The following RASSF3 variants were observed in gnomAD, a reference collection of about 807,000 sequenced individuals.
RASSF3 encodes the protein ras association domain-containing protein 3.
RASSF3 carries 19 observed loss-of-function variants against 19.9 expected under a neutral mutation model. That is an observed-to-expected ratio of 0.96 (90% confidence interval 0.67 to 1.40). The LOEUF (loss-of-function observed/expected upper bound fraction) is 1.40, where lower values mean the gene tolerates loss of function less well. RASSF3 is among the 40% of genes most tolerant of loss of function. The pLI, the probability that RASSF3 is intolerant of heterozygous loss-of-function variation, is 0.00. For missense variants in RASSF3, 306 were observed against 289.8 expected (o/e 1.06, Z -0.41); for synonymous variants, 110 against 104.2 (o/e 1.06, Z -0.34).
At chr12:64,508,768 C>T (rs1300967890) in intron 1 of RASSF3, among the ~76,000 whole-genome samples, 1 of 151,976 alleles carries the variant, frequency 6.6e-6, no homozygotes, top group Non-Finnish European at 1.5e-5. Context: ...CCTGTAATCC[C>T]AGCTACTCGG....
At chr12:64,681,499 T>C (rs1873125087) in intron 1 of RASSF3, among the ~76,000 whole-genome samples, 1 of 152,196 alleles carries the variant, frequency 6.6e-6, no homozygotes, top group African/African-American at 2.4e-5. Context: ...GTGGTGCACT[T>C]TCTGCAACAC....
intron 2 of RASSF3, among the ~76,000 whole-genome samples, chr12:64,589,113 C>T (rs944588186): frequency 6.6e-6 from 1 of 152,130 alleles, no homozygotes; most frequent in African/African-American, 2.4e-5. Context: ...CAAGAGCCAC[C>T]TGGGAATTTA....
At chr12:64,687,533 G>T (rs1873406805) in intron 2 of RASSF3, among the ~76,000 whole-genome samples, 1 of 150,384 alleles carries the variant, frequency 6.6e-6, no homozygotes, top group East Asian at 2.0e-4. Context: ...GGAGTGCAAT[G>T]GCGTGATCTT....
At chr12:64,663,825 A>G (rs935708136) in intron 1 of RASSF3, among the ~76,000 whole-genome samples, 2 of 102,660 alleles carry the variant, frequency 1.9e-5, no homozygotes, top group Non-Finnish European at 4.0e-5. Context: ...TTTCTTTACC[A>G]CGTTTTAGCC....
rs1437073043 is a variant in RASSF3 at position 64,516,536 on chromosome 12, G to A, written c.169+9207G>A. Among the ~76,000 whole-genome samples, 15 of 148,832 alleles carry A rather than the reference G, an allele frequency of 1.0e-4. No individual in the cohort carries two copies. In the East Asian group the frequency reaches 2.0e-3, roughly 20 times the overall value. On this transcript the variant is annotated intron_variant, in intron 1 of 5. Coordinates refer to the RASSF3 transcript ENST00000637125. Reference sequence around the variant, plus strand: ...TGGGAGGCTGAGGCAGGAGAATGGCGTGAACCCGGGAGGCGGAGCTTGCAG... The same window carrying A: ...TGGGAGGCTGAGGCAGGAGAATGGCATGAACCCGGGAGGCGGAGCTTGCAG...
rs182342245 is a variant in RASSF3 at position 64,557,205 on chromosome 12, T to G, written c.294+15500T>G. Among the ~76,000 whole-genome samples, 4 of 152,244 alleles carry G rather than the reference T, an allele frequency of 2.6e-5. No individual in the cohort carries two copies. The East Asian group carries it at 7.7e-4, about 29-fold the overall frequency. On this transcript the variant is annotated intron_variant, in intron 2 of 5. Coordinates refer to the RASSF3 transcript ENST00000637125. The stretch of plus-strand genomic sequence containing the variant: ...TGGCAGTTCTCAGTGCTTACCTTGT[T>G]ATGTGACCCAAACTGTCACTCCTAA...
chr12:64,610,362 GCGGCCGCGCGGGGTGGGGCT>G (rs1469903765), upstream of RASSF3, among the ~76,000 whole-genome samples: 49 of 149,546 alleles, frequency 3.3e-4, no homozygotes, highest in African/African-American at 1.1e-3. Flanking sequence ...GGGGAGGGTC[GCGGCCGCGCGGGGTGGGGCT>G]CGGCCGGTCG....
rs1178329091 is a variant in RASSF3 at position 64,654,070 on chromosome 12, C to G, written c.112-30717C>G. The G allele has an allele frequency of 2.6e-5, 4 of 152,358 alleles. No individual in the cohort carries two copies. In the East Asian group the frequency reaches 5.8e-4, roughly 22 times the overall value. The allele number at this position is 152,358 out of a possible 1,614,324, so 9.4% of individuals were successfully genotyped here. A position where few individuals can be genotyped will look rare whatever the true frequency, so the allele number is the denominator to read the frequency against. ...CAGTTTTTCCTCTGTTCTCCCCACTCTGATTCTGACTAGAATTAATTTGGT... is the reference window on the plus strand; with the variant it reads ...CAGTTTTTCCTCTGTTCTCCCCACTGTGATTCTGACTAGAATTAATTTGGT... On this transcript the variant is annotated intron_variant, in intron 1 of 4. Coordinates refer to ENST00000542104, the MANE Select transcript of RASSF3 (RefSeq NM_178169.4).
intron 1 of RASSF3, among the ~76,000 whole-genome samples, chr12:64,615,085 C>T (rs1352164560): frequency 9.9e-5 from 15 of 152,148 alleles, no homozygotes; most frequent in African/African-American, 3.4e-4. Flanking sequence ...TTTGTGGATT[C>T]GCTGTGTTTC....
chr12:64,630,318 G>A (rs181658875), intron 1 of RASSF3, among the ~76,000 whole-genome samples: 21 of 152,186 alleles, frequency 1.4e-4, no homozygotes, highest in Non-Finnish European at 1.5e-5. Flanking sequence ...TTAAGCCCAG[G>A]AGTTTGAGAC....
chr12:64,588,992 C>T (rs534414799), intron 2 of RASSF3, among the ~76,000 whole-genome samples: 18 of 152,202 alleles, frequency 1.2e-4, no homozygotes, highest in South Asian at 4.1e-4. Flanking sequence ...GTTTCTGATT[C>T]GCAAAAGCTG....
chr12:64,543,421 G>GCTCCCCGCCCGCCCCCCC (rs1565836074), downstream of RASSF3, among the ~76,000 whole-genome samples: 4 of 55,900 alleles, frequency 7.2e-5, no homozygotes, highest in African/African-American at 2.5e-4. Context: ...CCCGCCCCCC[G>GCTCCCCGCCCGCCCCCCC]GCTCCCCGCC....
chr12:64,678,688 C>G (rs1294656034), intron 1 of RASSF3, among the ~76,000 whole-genome samples: 1 of 121,690 alleles, frequency 8.2e-6, no homozygotes, highest in Admixed American at 7.8e-5. Context: ...CCAAAAACCT[C>G]TTGTGGGGCT....
chr12:64,585,367 C>T (rs1869777184), intron 2 of RASSF3, among the ~76,000 whole-genome samples: 1 of 152,200 alleles, frequency 6.6e-6, no homozygotes, highest in Middle Eastern at 3.4e-3. Flanking sequence ...CCTAGGGTCA[C>T]CAAAGGGGAT....
intron 2 of RASSF3, 64 bp downstream of exon 2, chr12:64,684,958 T>C (rs1873292631): frequency 1.1e-6 from 1 of 925,724 alleles, no homozygotes; most frequent in Admixed American, 1.7e-5. Flanking sequence ...TTGTTGGTAC[T>C]ACAATCTATA....
intron 1 of RASSF3, among the ~76,000 whole-genome samples, chr12:64,661,684 T>C (rs573641771): frequency 0.046 from 6,261 of 137,518 alleles, 346 homozygotes; most frequent in African/African-American, 0.17. Context: ...TTTCTTTTTT[T>C]TTTTTTTTTT....
intron 2 of RASSF3, among the ~76,000 whole-genome samples, chr12:64,560,581 G>A (rs1446425682): frequency 2.6e-5 from 4 of 152,194 alleles, no homozygotes; most frequent in Non-Finnish European, 4.4e-5. Flanking sequence ...CACATTGTGC[G>A]AGGAACTATC....
chr12:64,633,421 G>T (rs1871228583), intron 1 of RASSF3, among the ~76,000 whole-genome samples: 1 of 152,128 alleles, frequency 6.6e-6, no homozygotes, highest in Admixed American at 6.5e-5. Context: ...TCACGTGAGA[G>T]CTGGTTGTTT....
chr12:64,682,673 C>G (rs1873181358), intron 1 of RASSF3, among the ~76,000 whole-genome samples: 1 of 151,656 alleles, frequency 6.6e-6, no homozygotes, highest in African/African-American at 2.4e-5. Context: ...AGAGCCTTTT[C>G]TTACTCTACG....
Sources: gnomAD v4.1 joint callset for allele counts (sites outside exome capture counted in the v4.1 genomes callset) on GRCh38, gnomAD v4.1.1 for gene constraint, MANE v1.5 for transcripts, NCBI Gene and HGNC (gene_info 2026-07-23, HGNC 2026-07-21) for gene names.